Variants in FBXO40 observed in about 807,000 individuals in gnomAD.
FBXO40 encodes the protein F-box protein 40, also known as F-box only protein 40.
A neutral mutation model predicts 49.9 loss-of-function variants in FBXO40; 50 were observed. That is an observed-to-expected ratio of 1.00 (90% CI 0.80 to 1.27). The LOEUF (loss-of-function observed/expected upper bound fraction) is 1.27, where lower values mean the gene tolerates loss of function less well. Among genes scored for constraint, FBXO40 ranks in the 50% most tolerant of loss-of-function variants. FBXO40 has a pLI of 0.00. For missense variants in FBXO40, 895 were observed against 870.1 expected, an observed-to-expected ratio of 1.03 and a Z score of -0.36; for synonymous variants, 340 against 320.2, an observed-to-expected ratio of 1.06 and a Z score of -0.66.
At chr3:121,619,064 C>G (rs1312226599) in intron 1 of FBXO40, among the ~76,000 whole-genome samples, 1 of 151,980 alleles carries the variant, frequency 6.6e-6, no homozygotes, top group East Asian at 1.9e-4. Context: ...GGTGTCATTA[C>G]AGCTCACTGC....
chr3:121,622,166 C>G lies in FBXO40; in HGVS notation c.737C>G (p.Ser246Cys). 13 of 1,614,094 alleles carry G rather than the reference C, an allele frequency of 8.1e-6. No homozygotes were observed. Among genetic ancestry groups the G allele is most frequent in the Non-Finnish European group, 1.0e-5 (12 of 1,180,012 alleles). The change falls in exon 3 of 4, where the codon TCC (serine) becomes TGC (cysteine). Residue 246 changes from serine (S) to cysteine (C), a missense_variant. Ser to Cys is a moderately radical substitution (Grantham distance 112). Coordinates refer to ENST00000338040, the MANE Select transcript of FBXO40 (RefSeq NM_016298.4). ...TGTGAGAGCAAGAACAAGAATGACT[C>G]CGAGAAAGAACAGATTTCCAGTGGC... The part of the protein sequence containing the change: ...ASCESKNKND[S>C]EKEQISSGHN...
chr3:121,623,837 C>T (rs1019236461), intron 3 of FBXO40, among the ~76,000 whole-genome samples: 1 of 151,516 alleles, frequency 6.6e-6, no homozygotes, highest in Non-Finnish European at 1.5e-5. Flanking sequence ...TACAGGCGTG[C>T]ACTGTCACAC....
In FBXO40 at chr3:121,628,494, T is replaced by C. The variant is rs1008734527; in HGVS notation, c.*1584T>C. On this transcript the variant is annotated 3_prime_UTR_variant, in exon 4 of 4. Coordinates refer to ENST00000338040, the MANE Select transcript of FBXO40 (RefSeq NM_016298.4). The stretch of plus-strand genomic sequence containing the variant: ...GATAATTCTTTGTTGCAAGGGACTG[T>C]TCTGTGTACTACAGGATACTTGGCA... The C allele has an allele frequency of 6.6e-6, 1 of 152,196 alleles. No individual in the cohort carries two copies. The highest frequency in any genetic ancestry group is 2.4e-5 in the African/African-American group (1 of 41,444). The allele number at this position is 152,196 out of a possible 1,614,324, so 9.4% of individuals were successfully genotyped here.
At chr3:121,618,105 G>C (rs995069792) in intron 1 of FBXO40, among the ~76,000 whole-genome samples, 3 of 151,762 alleles carry the variant, frequency 2.0e-5, no homozygotes, top group African/African-American at 7.3e-5. Flanking sequence ...TTGTATACAG[G>C]CATCAAAATA....
At position 121,623,009 on chromosome 3, in the gene FBXO40, C is replaced by A. The variant is rs367937919; in HGVS notation, c.1580C>A (p.Pro527His). The change falls in exon 3 of 4, where the codon CCC becomes CAC. Residue 527 changes from proline (P) to histidine (H), a missense_variant. Transcript: ENST00000338040. ...GCTFVQNHFR[P>H]PGQKAKVIYS... ...ACATTTGTTCAAAACCATTTCCGTC[C>A]CCCAGGGCAAAAGGCAAAAGTAATC... The A allele has an allele frequency of 1.2e-6, 2 of 1,614,074 alleles. No homozygotes were observed. The highest frequency in any genetic ancestry group is 2.7e-5 in the African/African-American group (2 of 74,936).
chr3:121,602,557 C>T (rs2048905761), intron 1 of FBXO40, among the ~76,000 whole-genome samples: 1 of 152,182 alleles, frequency 6.6e-6, no homozygotes, highest in Admixed American at 6.5e-5. Context: ...CTATGTGTCT[C>T]ATCTTGACTA....
At chr3:121,613,008 T>G (rs967024239) in intron 1 of FBXO40, among the ~76,000 whole-genome samples, 16 of 151,218 alleles carry the variant, frequency 1.1e-4, no homozygotes, top group African/African-American at 3.9e-4. Context: ...AGGCGGAGCT[T>G]TCAGTGAGCC....
rs1179614405 is a variant in FBXO40 at position 121,604,934 on chromosome 3, C to A, written c.-31+11432C>A. ...TGGTTATGTGGAGAAGGTTGGCTGGCTTTATTTATTTATTTATTTATTTAT... is the reference window on the plus strand; with the variant it reads ...TGGTTATGTGGAGAAGGTTGGCTGGATTTATTTATTTATTTATTTATTTAT... On this transcript the variant is annotated intron_variant, in intron 1 of 3. Coordinates refer to ENST00000338040, the MANE Select transcript of FBXO40 (RefSeq NM_016298.4). Among the ~76,000 whole-genome samples the A allele has an allele frequency of 5.5e-5, 8 of 145,792 alleles. No homozygotes were observed. The East Asian group carries it at 8.0e-4, about 15-fold the overall frequency.
In FBXO40 at chr3:121,621,845, G is replaced by A; in HGVS notation, c.416G>A (p.Arg139Lys). The change falls in exon 3 of 4, where the codon AGA becomes AAA. Residue 139 changes from arginine to lysine, a missense_variant. By Grantham distance (26) the Arg-to-Lys change is conservative. Transcript: ENST00000338040. ...CTGCAGGATCAGAAGGTCCTCTTCA[G>A]ATCCTTGAAAATGGTGGAACTTTTC... is the stretch of plus-strand genomic sequence containing the variant. ...LALQDQKVLFRSLKMVELFPE... is the reference protein window; with the variant it reads ...LALQDQKVLFKSLKMVELFPE... 1 of 1,614,198 alleles carries A rather than the reference G, an allele frequency of 6.2e-7. No homozygotes were observed. The highest frequency in any genetic ancestry group is 8.5e-7 in the Non-Finnish European group (1 of 1,180,022).
In FBXO40 at chr3:121,621,621, G is replaced by C; in HGVS notation, c.192G>C (p.Pro64=). Residue 64 remains proline, a synonymous_variant, in exon 3 of 4, where the codon CCG becomes CCC. Coordinates refer to ENST00000338040, the MANE Select transcript of FBXO40 (RefSeq NM_016298.4). The stretch of plus-strand genomic sequence containing the variant: ...TCCTCTGCCCTTTAGAGCAGGTTCC[G>C]TGCCTCAACTCCGAATATGGCTGCC... ...HQLLCPLEQV[P]CLNSEYGCPL... The C allele has an allele frequency of 6.2e-7, 1 of 1,614,198 alleles. No homozygotes were observed. Among genetic ancestry groups the C allele is most frequent in the Non-Finnish European group, 8.5e-7 (1 of 1,180,024 alleles).
In FBXO40 at chr3:121,612,707, G is replaced by A. The variant is rs76255189; in HGVS notation, c.-30-7839G>A. Among the ~76,000 whole-genome samples the A allele has an allele frequency of 3.1e-3, 471 of 152,162 alleles. 2 individuals carry two copies. Among genetic ancestry groups the A allele is most frequent in the African/African-American group, 0.01 (432 of 41,514 alleles). Reference sequence around the variant, plus strand: ...ATCAAGCCGAAGTATAGTGTTAGGGGCCGCTGTAACACCTGAGGTCCACCT... The same window carrying A: ...ATCAAGCCGAAGTATAGTGTTAGGGACCGCTGTAACACCTGAGGTCCACCT... On this transcript the variant is annotated intron_variant, in intron 1 of 3. Transcript: ENST00000338040.
Position 121,622,190 on chromosome 3 carries a change from G to C in FBXO40, c.761G>C (p.Gly254Ala). ...NDSEKEQISS[G>A]HNMVEGEGAP... ...TCCGAGAAAGAACAGATTTCCAGTG[G>C]CCATAACATGGTAGAAGGAGAGGGC... Residue 254 changes from glycine (G) to alanine (A), a missense_variant, in exon 3 of 4, where the codon GGC becomes GCC. Transcript: ENST00000338040. 2 of 1,613,962 alleles carry C rather than the reference G, an allele frequency of 1.2e-6. No homozygotes were observed. The highest frequency in any genetic ancestry group is 1.7e-6 in the Non-Finnish European group (2 of 1,179,940).
At chr3:121,618,156 A>T (rs1327848695) in intron 1 of FBXO40, among the ~76,000 whole-genome samples, 2 of 152,168 alleles carry the variant, frequency 1.3e-5, no homozygotes, top group Non-Finnish European at 2.9e-5. Context: ...TTATATATCA[A>T]TAAAAATGTT....
chr3:121,611,441 TTA>T (rs771768663), intron 1 of FBXO40, among the ~76,000 whole-genome samples: 2 of 152,192 alleles, frequency 1.3e-5, no homozygotes, highest in Non-Finnish European at 2.9e-5. Context: ...TAGGCCAGAT[TTA>T]TGTTTCTCTC....
chr3:121,624,546 T>A (rs2049051688), intron 3 of FBXO40, among the ~76,000 whole-genome samples: 1 of 152,202 alleles, frequency 6.6e-6, no homozygotes, highest in African/African-American at 2.4e-5. Flanking sequence ...GCTGGCTCCC[T>A]TACCCTCCAT....
At chr3:121,596,310 A>G (rs188009765) in intron 1 of FBXO40, among the ~76,000 whole-genome samples, 1 of 152,334 alleles carries the variant, frequency 6.6e-6, no homozygotes, top group East Asian at 1.9e-4. Context: ...AAAGCACAAT[A>G]GAAAAAAAGC....
chr3:121,614,203 G>T (rs1170837153), intron 1 of FBXO40, among the ~76,000 whole-genome samples: 7 of 148,400 alleles, frequency 4.7e-5, no homozygotes, highest in African/African-American at 1.7e-4. Flanking sequence ...GAAGGCGGAG[G>T]TTGCAGTGAG....
chr3:121,613,899 G>A (rs1298602103), intron 1 of FBXO40, among the ~76,000 whole-genome samples: 1 of 152,188 alleles, frequency 6.6e-6, no homozygotes, highest in Non-Finnish European at 1.5e-5. Flanking sequence ...TTGGGAGGCC[G>A]AGGTGGGCAG....
chr3:121,616,646 C>T (rs1451195944), intron 1 of FBXO40, among the ~76,000 whole-genome samples: 2 of 152,190 alleles, frequency 1.3e-5, no homozygotes, highest in Non-Finnish European at 2.9e-5. Flanking sequence ...TCTAACAAGC[C>T]GTCCAGGTGA....
Sources: gnomAD v4.1 joint callset for allele counts (sites outside exome capture counted in the v4.1 genomes callset) on GRCh38, gnomAD v4.1.1 for gene constraint, MANE v1.5 for transcripts, NCBI Gene and HGNC (gene_info 2026-07-23, HGNC 2026-07-21) for gene names.